The following SYMPK variants were observed in gnomAD, a reference collection of about 807,000 sequenced individuals.
SYMPK encodes the protein symplekin scaffold protein.
Under a neutral mutation model 136.4 loss-of-function variants are expected in SYMPK, and 49 were observed. The observed-to-expected ratio is 0.36, with a 90% CI of 0.29 to 0.46. SYMPK has a LOEUF of 0.46. SYMPK is among the 20% of genes least tolerant of loss of function. SYMPK has a pLI of 1.00. For synonymous variants in SYMPK, 766 were observed against 713.0 expected (o/e 1.07, Z -1.19); for missense variants, 1,365 against 1,690.0 (o/e 0.81, Z 3.37).
chr19:45,855,965 G>C (rs1361839268), intron 1 of SYMPK, among the ~76,000 whole-genome samples: 2 of 151,320 alleles, frequency 1.3e-5, no homozygotes, highest in Non-Finnish European at 2.9e-5. Context: ...GTGAGAACTT[G>C]ACTCAAAAAA....
In SYMPK at chr19:45,830,425, T is replaced by A; in HGVS notation, c.1599-221A>T. 1.3e-5 allele frequency: 7 copies of A among 548,748 alleles called. No individual in the cohort carries two copies. The South Asian group carries it at 1.5e-4, about 12-fold the overall frequency. 34.0% of individuals were successfully genotyped at this position (548,748 alleles called of 1,614,324 possible). A position where few individuals can be genotyped will look rare whatever the true frequency, so the allele number is the denominator to read the frequency against. On this transcript the variant is annotated intron_variant, in intron 12 of 26. Transcript: ENST00000245934. Reference sequence around the variant, plus strand: ...TTGCAGAGGGCGTCTTACGGAAGGCTTCTGTGAGTGGGGATCTGAACGGAG... The same window carrying A: ...TTGCAGAGGGCGTCTTACGGAAGGCATCTGTGAGTGGGGATCTGAACGGAG...
At chr19:45,817,938 G>GGGT in intron 23 of SYMPK, 21 bp downstream of exon 23, 1 of 1,545,206 alleles carries the variant, frequency 6.5e-7, no homozygotes, top group Admixed American at 1.9e-5. Flanking sequence ...CCTGGAGGCG[G>GGGT]GGTGGCCGGG....
rs562980528 is a variant in SYMPK, at chr19:45,818,427, C to T, written c.2894-281G>A. On this transcript the variant is annotated intron_variant, in intron 22 of 26. Coordinates refer to ENST00000245934, the MANE Select transcript of SYMPK (RefSeq NM_004819.3). ...AACCCGTGGCCCCTCACTTTAAGGA[C>T]GACCTTGGGAAAGATGTGTTGCCAA... 1.1e-4 allele frequency among the ~76,000 whole-genome samples: 16 copies of T among 152,296 alleles called. No individual in the cohort carries two copies. In the South Asian group the frequency reaches 2.3e-3, roughly 22 times the overall value.
intron 18 of SYMPK, 34 bp from the exon 19 acceptor site, chr19:45,823,909 G>T: frequency 6.3e-7 from 1 of 1,582,878 alleles, no homozygotes; most frequent in Non-Finnish European, 8.7e-7. Flanking sequence ...CAGACCCAGG[G>T]TGAGAGCTTA....
chr19:45,839,329 C>T (rs1600514827), intron 9 of SYMPK, among the ~76,000 whole-genome samples: 1 of 152,186 alleles, frequency 6.6e-6, no homozygotes. Context: ...AAAAGAAAGA[C>T]TGATTCCAGG....
At position 45,827,496 on chromosome 19, in the gene SYMPK, G is replaced by T; in HGVS notation, c.2181+14C>A. On this transcript the variant is annotated intron_variant, in intron 16 of 26. Coordinates refer to ENST00000245934, the MANE Select transcript of SYMPK (RefSeq NM_004819.3). ...GCAGGCTGAGGGCAGCCAGGAAGTGGAGGAGGGGATCACCTTGTCCTTCTC... is the reference window on the plus strand; with the variant it reads ...GCAGGCTGAGGGCAGCCAGGAAGTGTAGGAGGGGATCACCTTGTCCTTCTC... The T allele has an allele frequency of 6.2e-7, 1 of 1,604,332 alleles. No individual in the cohort carries two copies. The highest frequency in any genetic ancestry group is 1.1e-5 in the South Asian group (1 of 90,838).
chr19:45,848,025 G>A, intron 6 of SYMPK, 24 bp from the exon 7 acceptor site: 2 of 1,555,094 alleles, frequency 1.3e-6, no homozygotes, highest in Non-Finnish European at 1.7e-6. Flanking sequence ...AGGAAGGAAT[G>A]GAAGAGACAC....
intron 18 of SYMPK, among the ~76,000 whole-genome samples, chr19:45,824,799 T>C (rs8110723): frequency 0.86 from 130,254 of 151,954 alleles, 55,909 homozygotes; most frequent in East Asian, 0.9. Context: ...TTAGCAACAC[T>C]GGGAAGGCCA....
rs772759820 is a variant in SYMPK, at chr19:45,829,118, G to A, written c.1837C>T (p.Arg613Trp). 3.7e-6 allele frequency: 6 copies of A among 1,614,176 alleles called. No homozygotes were observed. The highest frequency in any genetic ancestry group is 5.1e-6 in the Non-Finnish European group (6 of 1,180,040). ...EVLSFILEDV[R>W]ARLDLAFAWL... ...GCGAAGGCCAGGTCCAGGCGGGCCC[G>A]CACATCCTCCAGGATGAAGGACAGG... is the stretch of plus-strand genomic sequence containing the variant. Residue 613 changes from arginine to tryptophan, a missense_variant, in exon 14 of 27, where the codon CGG becomes TGG. Around this residue, in one of 11 missense-constraint regions of SYMPK, gnomAD observed 303 missense variants for 326.6 expected, o/e 0.93. Coordinates refer to ENST00000245934, the MANE Select transcript of SYMPK (RefSeq NM_004819.3).
chr19:45,840,599 C>G (rs12611184), intron 9 of SYMPK, among the ~76,000 whole-genome samples: 14,128 of 151,540 alleles, frequency 0.093, 889 homozygotes, highest in East Asian at 0.35. Context: ...GGAGGCAGAG[C>G]TTGTAGTGAG....
chr19:45,821,415 G>T lies in SYMPK; in HGVS notation c.2862C>A (p.Ser954=), dbSNP rs777582709. 4 of 1,614,080 alleles carry T rather than the reference G, an allele frequency of 2.5e-6. No individual in the cohort carries two copies. Among genetic ancestry groups the T allele is most frequent in the Non-Finnish European group, 3.4e-6 (4 of 1,180,002 alleles). ...TGATGGATTTCATGTCGCACTTCAC[G>T]GAGTCAATGTTGTGTAATGCGATCA... is the stretch of plus-strand genomic sequence containing the variant. The part of the protein sequence containing the change: ...ELLIALHNID[S]VKCDMKSIIK... The change falls in exon 22 of 27, where the codon TCC becomes TCA. Residue 954 remains serine (S), a synonymous_variant. Coordinates refer to ENST00000245934, the MANE Select transcript of SYMPK (RefSeq NM_004819.3). The surrounding 1 kb of genome is among the most constrained non-coding windows in gnomAD (Gnocchi z 4.4).
At position 45,852,552 on chromosome 19, in the gene SYMPK, G is replaced by T. The variant is rs369840452; in HGVS notation, c.172-17C>A. 11 of 1,614,080 alleles carry T rather than the reference G, an allele frequency of 6.8e-6. No homozygotes were observed. The highest frequency in any genetic ancestry group is 3.3e-4 in the Middle Eastern group (2 of 6,062). On this transcript the variant is annotated splice_polypyrimidine_tract_variant and intron_variant, in intron 3 of 26. Transcript: ENST00000245934. ...CTCCTGGACCTGGAAGGAGATTGGG[G>T]GTGGGGAGGAGGAATACCCATATAA... is the stretch of plus-strand genomic sequence containing the variant.
intron 15 of SYMPK, 56 bp from the exon 16 acceptor site, chr19:45,827,679 C>CTA (rs1486193600): frequency 6.5e-7 from 1 of 1,539,680 alleles, no homozygotes; most frequent in Admixed American, 1.7e-5. Flanking sequence ...CCTCTGGGCT[C>CTA]TGTCTTTCCT....
rs570616089 is a variant in SYMPK, at chr19:45,848,077, G to A, written c.427-76C>T. 2.0e-6 allele frequency: 3 copies of A among 1,482,934 alleles called. No individual in the cohort carries two copies. In the African/African-American group the frequency reaches 4.2e-5, roughly 21 times the overall value. The allele number at this position is 1,482,934 out of a possible 1,614,324, so 91.9% of individuals were successfully genotyped here. A position where few individuals can be genotyped will look rare whatever the true frequency, so the allele number is the denominator to read the frequency against. On this transcript the variant is annotated intron_variant, in intron 6 of 26. Transcript: ENST00000245934. ...AACGCATCAATCACCAACACCCTCTGCCAATACCCAGAGAACCATGAATGA... is the reference window on the plus strand; with the variant it reads ...AACGCATCAATCACCAACACCCTCTACCAATACCCAGAGAACCATGAATGA...
Position 45,847,829 on chromosome 19 carries a change from T to C in SYMPK, c.599A>G (p.Asp200Gly). 3 of 1,613,870 alleles carry C rather than the reference T, an allele frequency of 1.9e-6. No individual in the cohort carries two copies. The South Asian group carries it at 3.3e-5, about 18-fold the overall frequency. ...CTCCTGGCGTCGGGGTATCTCTGAG[T>C]CAGCCATGCGGGGTGACAGGGTGAC... ...LIVTLSPRMA[D>G]SEIPRRQEHD... is the part of the protein sequence containing the mutation. Residue 200 changes from aspartate (D) to glycine (G), a missense_variant, in exon 7 of 27, where the codon GAC becomes GGC. Coordinates refer to ENST00000245934, the MANE Select transcript of SYMPK (RefSeq NM_004819.3).
chr19:45,816,200 C>T lies in SYMPK; in HGVS notation c.3355-17G>A, dbSNP rs1238479445. On this transcript the variant is annotated splice_polypyrimidine_tract_variant and intron_variant, in intron 25 of 26. Transcript: ENST00000245934. The stretch of plus-strand genomic sequence containing the variant: ...CAGATCATCCTGGGGATAGGGAGGG[C>T]CACACAGAAGCTCAGAGGTGGGTGG... The T allele has an allele frequency of 4.0e-6, 6 of 1,488,828 alleles. No homozygotes were observed. The highest frequency in any genetic ancestry group is 1.4e-5 in the African/African-American group (1 of 71,664). The allele number at this position is 1,488,828 out of a possible 1,614,324, so 92.2% of individuals were successfully genotyped here.
At chr19:45,818,657 A>C (rs1428834121) in intron 22 of SYMPK, among the ~76,000 whole-genome samples, 1 of 152,192 alleles carries the variant, frequency 6.6e-6, no homozygotes, top group Non-Finnish European at 1.5e-5. Flanking sequence ...TGTGTTGGGC[A>C]TATGGGCACA....
At position 45,842,271 on chromosome 19, in the gene SYMPK, T is replaced by C; in HGVS notation, c.1066A>G (p.Thr356Ala). ...TCACCCAGCTTCATCTTCTTGAGTG[T>C]GGAGTCCGAGTCATCGCGGGGCCGC... is the stretch of plus-strand genomic sequence containing the variant. ...RKRPRDDSDSTLKKMKLEPNL... is the reference protein window; with the variant it reads ...RKRPRDDSDSALKKMKLEPNL... Residue 356 changes from threonine to alanine, a missense_variant, in exon 9 of 27, where the codon ACA (threonine) becomes GCA (alanine). Around this residue, in one of 11 missense-constraint regions of SYMPK, gnomAD observed 111 missense variants for 141.2 expected, o/e 0.79. Transcript: ENST00000245934. 1 of 1,614,220 alleles carries C rather than the reference T, an allele frequency of 6.2e-7. No homozygotes were observed. Among genetic ancestry groups the C allele is most frequent in the African/African-American group, 1.3e-5 (1 of 75,068 alleles).
At chr19:45,861,099 A>G (rs1445037731) in intron 1 of SYMPK, among the ~76,000 whole-genome samples, 1 of 152,070 alleles carries the variant, frequency 6.6e-6, no homozygotes, top group Non-Finnish European at 1.5e-5. Context: ...GTCAAAACAT[A>G]AAAAAAACAG....
Sources: allele counts gnomAD v4.1 joint callset (sites outside exome capture counted in the v4.1 genomes callset), GRCh38; gene constraint gnomAD v4.1.1; regional missense constraint gnomAD v4.1.1; non-coding constraint Gnocchi (gnomAD v3.1); transcripts MANE v1.5; gene names NCBI Gene and HGNC (gene_info 2026-07-23, HGNC 2026-07-21).